SRGAP3: variants seen among roughly 807,000 people sequenced by gnomAD.
The protein encoded by SRGAP3 is SLIT-ROBO Rho GTPase activating protein 3, also known as SLIT-ROBO Rho GTPase-activating protein 3.
A neutral mutation model predicts 121.1 loss-of-function variants in SRGAP3; 39 were observed. The observed-to-expected ratio is 0.32, with a 90% CI of 0.25 to 0.42. The LOEUF (loss-of-function observed/expected upper bound fraction) is 0.42, where lower values mean the gene tolerates loss of function less well. SRGAP3 is among the 10% of genes least tolerant of loss of function. The probability of loss-of-function intolerance (pLI) is 1.00; values close to 1 mark genes in which losing one functional copy is unlikely to be tolerated. For synonymous variants in SRGAP3, 601 were observed against 570.0 expected (o/e 1.05, Z -0.77); for missense variants, 1,213 against 1,470.6 (o/e 0.82, Z 2.86).
intron 1 of SRGAP3, among the ~76,000 whole-genome samples, chr3:9,243,382 C>A (rs1953716207): frequency 6.6e-6 from 1 of 152,084 alleles, no homozygotes; most frequent in Non-Finnish European, 1.5e-5. Flanking sequence ...CGTCTGTAAT[C>A]CCAGCATTTT....
chr3:9,179,518 A>T (rs902951201), intron 1 of SRGAP3, among the ~76,000 whole-genome samples: 3 of 152,246 alleles, frequency 2.0e-5, no homozygotes, highest in Non-Finnish European at 4.4e-5. Flanking sequence ...ATGTCATCAG[A>T]TGCCATCACC....
chr3:9,114,404 A>T (rs1449177601), intron 2 of SRGAP3, among the ~76,000 whole-genome samples: 1 of 152,232 alleles, frequency 6.6e-6, no homozygotes, highest in Non-Finnish European at 1.5e-5. Flanking sequence ...GCCTATGATA[A>T]GTGTTCTAAA....
intron 1 of SRGAP3, among the ~76,000 whole-genome samples, chr3:9,130,994 C>T (rs980532616): frequency 1.3e-5 from 2 of 152,206 alleles, no homozygotes; most frequent in African/African-American, 4.8e-5. Flanking sequence ...AAAATCAAGT[C>T]CTTCTTGCAG....
chr3:9,140,968 G>T (rs1478026890), intron 1 of SRGAP3, among the ~76,000 whole-genome samples: 1 of 152,194 alleles, frequency 6.6e-6, no homozygotes, highest in Non-Finnish European at 1.5e-5. Context: ...TAGGAAGGTT[G>T]CAAAAATGTG....
rs1953919444 is a variant in SRGAP3, at chr3:9,248,877, C to A, written c.67+8G>T. ...GGAGAAGGAAAACTCTCCCAGCCCGCATCTCACCTTTTATTTGGGCTTCAT... is the reference window on the plus strand; with the variant it reads ...GGAGAAGGAAAACTCTCCCAGCCCGAATCTCACCTTTTATTTGGGCTTCAT... On this transcript the variant is annotated splice_region_variant and intron_variant, in intron 1 of 21. Coordinates refer to ENST00000383836, the MANE Select transcript of SRGAP3 (RefSeq NM_014850.4). 2 of 1,614,012 alleles carry A rather than the reference C, an allele frequency of 1.2e-6. No homozygotes were observed. Among genetic ancestry groups the A allele is most frequent in the South Asian group, 1.1e-5 (1 of 91,086 alleles).
chr3:9,088,104 A>AC (rs997734195), intron 3 of SRGAP3, among the ~76,000 whole-genome samples: 2 of 152,178 alleles, frequency 1.3e-5, no homozygotes, highest in Non-Finnish European at 2.9e-5. Context: ...GGAACAGGAA[A>AC]CCCAAACCCT....
chr3:9,021,428 T>G (rs1478485947), intron 14 of SRGAP3, among the ~76,000 whole-genome samples: 1 of 151,902 alleles, frequency 6.6e-6, no homozygotes, highest in African/African-American at 2.4e-5. Flanking sequence ...TTTTTTTCTC[T>G]CTCTCCTTCA....
At chr3:9,104,159 A>C (rs1948323377) in intron 3 of SRGAP3, among the ~76,000 whole-genome samples, 1 of 152,244 alleles carries the variant, frequency 6.6e-6, no homozygotes, top group Non-Finnish European at 1.5e-5. Flanking sequence ...AAAATGTAAT[A>C]GAGTGTTACG....
intron 18 of SRGAP3, 80 bp from the exon 19 acceptor site, chr3:8,994,603 T>C: frequency 1.9e-6 from 3 of 1,562,876 alleles, no homozygotes; most frequent in Non-Finnish European, 2.6e-6. Flanking sequence ...TGGCCCTGGC[T>C]TCTCTGGGGA....
Position 8,990,771 on chromosome 3 carries a change from G to A in SRGAP3, c.2627C>T (p.Pro876Leu). 6.2e-7 allele frequency: 1 copy of A among 1,603,484 alleles called. No homozygotes were observed. The highest frequency in any genetic ancestry group is 8.5e-7 in the Non-Finnish European group (1 of 1,174,938). The change falls in exon 21 of 22, where the codon CCC becomes CTC. Residue 876 changes from proline to leucine, a missense_variant. Transcript: ENST00000383836. ...RRSGGDTHSP[P>L]RGLGPSIDTP... ...GTCTATGCTGGGGCCCAGGCCCCGG[G>A]GCGGGCTGTGTGTGTCGCCCCCGCT... is the stretch of plus-strand genomic sequence containing the variant.
chr3:9,145,293 G>A (rs373906733), intron 1 of SRGAP3, among the ~76,000 whole-genome samples: 3 of 152,114 alleles, frequency 2.0e-5, no homozygotes, highest in South Asian at 2.1e-4. Context: ...ACGGGGTTTC[G>A]CCATGTTGGC....
intron 1 of SRGAP3, among the ~76,000 whole-genome samples, chr3:9,344,843 T>G (rs954918550): frequency 3.3e-5 from 5 of 152,034 alleles, no homozygotes; most frequent in African/African-American, 1.2e-4. Flanking sequence ...AAGACCATCC[T>G]GGCCAACATG....
At chr3:9,177,747 A>G (rs957311459) in intron 1 of SRGAP3, among the ~76,000 whole-genome samples, 4 of 151,842 alleles carry the variant, frequency 2.6e-5, no homozygotes, top group Non-Finnish European at 2.9e-5. Flanking sequence ...GGAAATCACC[A>G]CCTCCCATTC....
At chr3:9,177,605 G>A (rs1951226007) in intron 1 of SRGAP3, among the ~76,000 whole-genome samples, 2 of 152,098 alleles carry the variant, frequency 1.3e-5, no homozygotes, top group South Asian at 4.1e-4. Context: ...CCACTGTCAG[G>A]GGCCCAAGTC....
chr3:9,093,117 C>T (rs536302924), intron 3 of SRGAP3, among the ~76,000 whole-genome samples: 3 of 152,224 alleles, frequency 2.0e-5, no homozygotes, highest in Admixed American at 1.3e-4. Context: ...TTTTGAGAGG[C>T]TTTCTCCCTC....
At chr3:9,060,025 G>T in intron 6 of SRGAP3, 1 of 755,460 alleles carries the variant, frequency 1.3e-6, no homozygotes, top group Non-Finnish European at 2.1e-6. Context: ...AGAGGCCCAT[G>T]TCCCACTCGT....
intron 2 of SRGAP3, among the ~76,000 whole-genome samples, chr3:9,120,504 A>G (rs979084722): frequency 6.6e-6 from 1 of 152,236 alleles, no homozygotes; most frequent in Non-Finnish European, 1.5e-5. Flanking sequence ...TGAGGTCTTC[A>G]ATGCACACAT....
At chr3:9,145,678 T>C (rs1178749667) in intron 1 of SRGAP3, among the ~76,000 whole-genome samples, 6 of 152,096 alleles carry the variant, frequency 3.9e-5, no homozygotes, top group African/African-American at 9.6e-5. Context: ...AATCACAACA[T>C]TACAATGAGC....
chr3:9,171,114 C>G (rs909878917), intron 1 of SRGAP3, among the ~76,000 whole-genome samples: 1 of 152,220 alleles, frequency 6.6e-6, no homozygotes, highest in African/African-American at 2.4e-5. Context: ...AACCCAAGAA[C>G]CCCTGAGGCC....
Sources: gnomAD v4.1 joint callset for allele counts (sites outside exome capture counted in the v4.1 genomes callset) on GRCh38, gnomAD v4.1.1 for gene constraint, MANE v1.5 for transcripts, NCBI Gene and HGNC (gene_info 2026-07-23, HGNC 2026-07-21) for gene names.